The following RMDN1 variants were observed in gnomAD, a reference collection of about 807,000 sequenced individuals.
RMDN1 encodes the protein regulator of microtubule dynamics 1.
Under a neutral mutation model 48.9 loss-of-function variants are expected in RMDN1, and 48 were observed. The observed-to-expected ratio is 0.98, with a 90% CI of 0.78 to 1.25. The LOEUF (loss-of-function observed/expected upper bound fraction) is 1.25, where lower values mean the gene tolerates loss of function less well. Among genes scored for constraint, RMDN1 ranks in the 50% most tolerant of loss-of-function variants. RMDN1 has a pLI of 0.00. For missense variants in RMDN1, 418 were observed against 373.4 expected, an observed-to-expected ratio of 1.12 and a Z score of -0.98; for synonymous variants, 148 against 132.6, an observed-to-expected ratio of 1.12 and a Z score of -0.80.
chr8:86,508,802 T>A (rs1563674187), upstream of RMDN1: 2 of 1,319,734 alleles, frequency 1.5e-6, no homozygotes. Flanking sequence ...GCTTAGGGGG[T>A]GGGAAATACC....
At chr8:86,483,167 G>A (rs182295177) in intron 5 of RMDN1, among the ~76,000 whole-genome samples, 426 of 152,232 alleles carry the variant, frequency 2.8e-3, no homozygotes, top group African/African-American at 9.7e-3. Flanking sequence ...TGAAATGTAA[G>A]CAGTATAAAT....
chr8:86,508,824 G>A, upstream of RMDN1: 1 of 1,275,328 alleles, frequency 7.8e-7, no homozygotes, highest in Non-Finnish European at 9.9e-7. Context: ...CGATTGGGTG[G>A]GACTTAATGG....
At chr8:86,486,785 A>C in intron 3 of RMDN1, 142 bp from the exon 4 acceptor site, 1 of 505,912 alleles carries the variant, frequency 2.0e-6, no homozygotes, top group Non-Finnish European at 3.2e-6. Context: ...AATAATGCTA[A>C]ATTTATTATT....
rs144086434 is a variant in RMDN1 at position 86,507,771 on chromosome 8, A to C, written c.130-659T>G. On this transcript the variant is annotated intron_variant, in intron 1 of 9. Transcript: ENST00000406452. ...CCCATTTGGTTATAAACTTCCAAGGAAGGGGAATATGCCAAATTTTAACCA... is the reference window on the plus strand; with the variant it reads ...CCCATTTGGTTATAAACTTCCAAGGCAGGGGAATATGCCAAATTTTAACCA... Among the ~76,000 whole-genome samples the C allele has an allele frequency of 3.1e-3, 467 of 152,338 alleles. 2 individuals carry two copies. Among genetic ancestry groups the C allele is most frequent in the African/African-American group, 0.011 (446 of 41,572 alleles).
At chr8:86,503,615 A>G (rs1439263879) in intron 2 of RMDN1, 8 of 492,534 alleles carry the variant, frequency 1.6e-5, no homozygotes, top group Non-Finnish European at 3.3e-5. Context: ...GATCGTTGCC[A>G]TTACAGTTGC....
chr8:86,506,867 GATTGTGAAT>G, intron 2 of RMDN1, 119 bp downstream of exon 2: 1 of 602,200 alleles, frequency 1.7e-6, no homozygotes, highest in Non-Finnish European at 3.0e-6. Context: ...TCACTGAGCA[GATTGTGAAT>G]ATTTCCATAT....
At chr8:86,483,486 GA>G (rs1814917979) in intron 5 of RMDN1, among the ~76,000 whole-genome samples, 1 of 152,030 alleles carries the variant, frequency 6.6e-6, no homozygotes, top group East Asian at 1.9e-4. Context: ...CACTAAGAAA[GA>G]AAGTATCACT....
chr8:86,479,166 T>C (rs1813903865), intron 6 of RMDN1, among the ~76,000 whole-genome samples, 156 bp from the exon 7 acceptor site: 1 of 152,210 alleles, frequency 6.6e-6, no homozygotes, highest in African/African-American at 2.4e-5. Flanking sequence ...GAGATTGACA[T>C]AGTGATCCTT....
At chr8:86,469,956 A>G (rs1287885990), downstream of RMDN1, among the ~76,000 whole-genome samples, 1 of 152,116 alleles carries the variant, frequency 6.6e-6, no homozygotes, top group Non-Finnish European at 1.5e-5. Flanking sequence ...AATGATGCTT[A>G]TTTTATACAT....
At chr8:86,483,847 CAATG>C (rs1200719488) in intron 5 of RMDN1, among the ~76,000 whole-genome samples, 1 of 139,210 alleles carries the variant, frequency 7.2e-6, no homozygotes, top group African/African-American at 2.7e-5. Context: ...TTTTTTGAGA[CAATG>C]AAGTTCATCC....
chr8:86,492,335 G>C (rs1261141432), intron 2 of RMDN1, among the ~76,000 whole-genome samples: 1 of 151,956 alleles, frequency 6.6e-6, no homozygotes, highest in Non-Finnish European at 1.5e-5. Flanking sequence ...GCATACCTTG[G>C]GGCTTTAAAT....
Position 86,486,560 on chromosome 8 carries a change from T to C in RMDN1, c.419A>G (p.Lys140Arg), listed in dbSNP as rs1351612964. 6.2e-7 allele frequency: 1 copy of C among 1,612,538 alleles called. No individual in the cohort carries two copies. The highest frequency in any genetic ancestry group is 2.2e-5 in the East Asian group (1 of 44,854). ...CTCTAGGGCTTCATACACCAATAGC[T>C]TTTTCTCCTCTTCTGAGGTTCTGCT... ...QLSRTSEEEK[K>R]LLVYEALEYA... Residue 140 changes from lysine (K) to arginine (R), a missense_variant, in exon 4 of 10, where the codon AAG becomes AGG. Coordinates refer to ENST00000406452, the MANE Select transcript of RMDN1 (RefSeq NM_016033.3).
chr8:86,495,461 A>C (rs879874285), intron 2 of RMDN1, among the ~76,000 whole-genome samples: 7 of 152,038 alleles, frequency 4.6e-5, no homozygotes, highest in Non-Finnish European at 1.0e-4. Flanking sequence ...ACAGTGCAGC[A>C]TTGCCATGGG....
upstream of RMDN1, among the ~76,000 whole-genome samples, chr8:86,509,336 A>G (rs1410763128): frequency 1.3e-5 from 2 of 152,130 alleles, no homozygotes; most frequent in Admixed American, 6.5e-5. Flanking sequence ...CTTCAATAAG[A>G]TGTTTTACTT....
At chr8:86,508,239 G>A (rs1332937640) in intron 1 of RMDN1, 2 of 433,650 alleles carry the variant, frequency 4.6e-6, no homozygotes, top group East Asian at 3.7e-5. Context: ...CGCACAAGAA[G>A]GGCGGGTAGC....
chr8:86,489,288 G>A (rs1441463030), intron 2 of RMDN1, among the ~76,000 whole-genome samples: 1 of 152,130 alleles, frequency 6.6e-6, no homozygotes, highest in African/African-American at 2.4e-5. Flanking sequence ...ACTATGCTCT[G>A]ACTGACTCTT....
chr8:86,506,078 C>G (rs555450278), intron 2 of RMDN1, among the ~76,000 whole-genome samples: 3 of 152,270 alleles, frequency 2.0e-5, no homozygotes, highest in South Asian at 4.1e-4. Context: ...CTTGTTCCCC[C>G]TCACTGGACC....
chr8:86,488,392 G>T (rs918717679), intron 3 of RMDN1, among the ~76,000 whole-genome samples, 160 bp downstream of exon 3: 2 of 152,050 alleles, frequency 1.3e-5, no homozygotes, highest in Admixed American at 1.3e-4. Context: ...TTTAACGTAA[G>T]AAACAAATAG....
At chr8:86,497,700 CAA>C (rs1213399491) in intron 2 of RMDN1, among the ~76,000 whole-genome samples, 12 of 68,206 alleles carry the variant, frequency 1.8e-4, no homozygotes, top group Admixed American at 4.8e-4. Flanking sequence ...GACACTATCT[CAA>C]AAAAAAAAAA....
Sources: allele counts gnomAD v4.1 joint callset (sites outside exome capture counted in the v4.1 genomes callset), GRCh38; gene constraint gnomAD v4.1.1; transcripts MANE v1.5; gene names NCBI Gene and HGNC (gene_info 2026-07-23, HGNC 2026-07-21).